TMEM156: variants seen among roughly 807,000 people sequenced by gnomAD.
The protein encoded by TMEM156 is transmembrane protein 156.
TMEM156 carries 28 observed loss-of-function variants against 30.5 expected under a neutral mutation model. The observed-to-expected ratio is 0.92, with a 90% CI of 0.68 to 1.26. The LOEUF (loss-of-function observed/expected upper bound fraction) is 1.26. TMEM156 is among the 50% of genes most tolerant of loss of function. The pLI is 0.00. For synonymous variants in TMEM156, 137 were observed against 119.9 expected, an observed-to-expected ratio of 1.14 and a Z score of -0.93; for missense variants, 351 against 340.6, an observed-to-expected ratio of 1.03 and a Z score of -0.24.
chr4:38,993,445 C>T (rs571881232), intron 3 of TMEM156, among the ~76,000 whole-genome samples: 82 of 140,404 alleles, frequency 5.8e-4, no homozygotes, highest in African/African-American at 2.0e-3. Context: ...CAACCACCAC[C>T]ACCCCACTGC....
At chr4:39,013,652 G>A (rs2711964) in intron 1 of TMEM156, among the ~76,000 whole-genome samples, 18,668 of 151,812 alleles carry the variant, frequency 0.12, 2,279 homozygotes, top group African/African-American at 0.32. Flanking sequence ...CACCCGCCTC[G>A]GCCTCCCAAA....
At chr4:39,015,290 A>T (rs559507134) in intron 1 of TMEM156, among the ~76,000 whole-genome samples, 4 of 152,328 alleles carry the variant, frequency 2.6e-5, no homozygotes, top group Admixed American at 1.3e-4. Flanking sequence ...AAGGCAGAAG[A>T]TGGAATTCAG....
chr4:38,986,518 G>C, intron 4 of TMEM156, 99 bp from the exon 5 acceptor site: 1 of 858,790 alleles, frequency 1.2e-6, no homozygotes. Context: ...AAAGAATGGA[G>C]CCATTCATGG....
At chr4:38,970,943 G>T in intron 6 of TMEM156, 89 bp downstream of exon 6, 1 of 788,456 alleles carries the variant, frequency 1.3e-6, no homozygotes, top group East Asian at 2.6e-5. Context: ...CCTCCTACCA[G>T]ATAGAAATGG....
intron 5 of TMEM156, among the ~76,000 whole-genome samples, chr4:38,978,576 C>T (rs1723002713): frequency 6.6e-6 from 1 of 152,128 alleles, no homozygotes; most frequent in East Asian, 1.9e-4. Flanking sequence ...CAGAGGGCCA[C>T]CCATGATTTG....
At chr4:39,016,384 AAG>A (rs1491510480) in intron 1 of TMEM156, among the ~76,000 whole-genome samples, 15 of 124,722 alleles carry the variant, frequency 1.2e-4, no homozygotes, top group East Asian at 2.0e-4. Context: ...AAAAAAAAAA[AAG>A]AAGAAGAAAG....
intron 1 of TMEM156, among the ~76,000 whole-genome samples, chr4:39,006,899 T>C (rs753209977): frequency 1.3e-5 from 2 of 152,148 alleles, no homozygotes; most frequent in Non-Finnish European, 2.9e-5. Context: ...GCCATGATCA[T>C]ACCACTGCAG....
At chr4:39,005,597 AC>A (rs113373504) in intron 1 of TMEM156, among the ~76,000 whole-genome samples, 2,450 of 152,278 alleles carry the variant, frequency 0.016, 61 homozygotes, top group African/African-American at 0.056. Flanking sequence ...GCAAGAAGAA[AC>A]TTTTAGGAGT....
chr4:38,981,141 C>T (rs1723161069), intron 5 of TMEM156: 1 of 161,104 alleles, frequency 6.2e-6, no homozygotes, highest in Non-Finnish European at 1.3e-5. Flanking sequence ...TTCACGTTAT[C>T]TTTCTTGGTT....
At chr4:38,976,426 C>T (rs1722856349) in intron 5 of TMEM156, among the ~76,000 whole-genome samples, 1 of 152,156 alleles carries the variant, frequency 6.6e-6, no homozygotes, top group Non-Finnish European at 1.5e-5. Flanking sequence ...TGCCAAGGCC[C>T]TCCGTACACA....
chr4:38,996,325 G>A (rs935960217), intron 2 of TMEM156, among the ~76,000 whole-genome samples: 2 of 150,902 alleles, frequency 1.3e-5, no homozygotes, highest in South Asian at 2.1e-4. Context: ...TCCGGAGGCC[G>A]AGGCGGGTGG....
chr4:38,971,007 T>C, intron 6 of TMEM156, 25 bp downstream of exon 6: 3 of 1,430,694 alleles, frequency 2.1e-6, no homozygotes, highest in Non-Finnish European at 2.9e-6. Context: ...AATGAAGAAG[T>C]CGATAAAGCC....
At chr4:38,971,828 T>C (rs982892588) in intron 5 of TMEM156, among the ~76,000 whole-genome samples, 1 of 152,146 alleles carries the variant, frequency 6.6e-6, no homozygotes, top group Non-Finnish European at 1.5e-5. Flanking sequence ...TCGCTCTTGT[T>C]GCCCAGCCTA....
At position 38,977,359 on chromosome 4, in the gene TMEM156, A is replaced by G. The variant is rs922539554; in HGVS notation, c.824-6222T>C. 4.6e-5 allele frequency among the ~76,000 whole-genome samples: 7 copies of G among 152,270 alleles called. 1 individual carries two copies. In the East Asian group the frequency reaches 1.3e-3, roughly 29 times the overall value. Reference sequence around the variant, plus strand: ...GTTTATAGCATAAAATATAACTGTAATTTACAACAGAAAGCGATTGCCTGT... The same window carrying G: ...GTTTATAGCATAAAATATAACTGTAGTTTACAACAGAAAGCGATTGCCTGT... On this transcript the variant is annotated intron_variant, in intron 5 of 6. Transcript: ENST00000381938.
At position 39,028,559 on chromosome 4, in the gene TMEM156, G is replaced by C. The variant is rs1323729331; in HGVS notation, c.88+3667C>G. The C allele has an allele frequency of 2.0e-5, 3 of 152,122 alleles. No individual in the cohort carries two copies. In the East Asian group the frequency reaches 5.8e-4, roughly 29 times the overall value. The allele number at this position is 152,122 out of a possible 1,614,324, so 9.4% of individuals were successfully genotyped here. A position where few individuals can be genotyped will look rare whatever the true frequency, so the allele number is the denominator to read the frequency against. On this transcript the variant is annotated intron_variant, in intron 1 of 6. Coordinates refer to ENST00000381938, the MANE Select transcript of TMEM156 (RefSeq NM_024943.3). ...TTGTCCTCCCGACTGAAAACTCCTT[G>C]ATCAAAGAGTTGTCTTTCCTTTTTG...
intron 2 of TMEM156, 161 bp downstream of exon 2, chr4:38,998,479 G>A: frequency 4.2e-6 from 2 of 476,248 alleles, no homozygotes; most frequent in Non-Finnish European, 6.1e-6. Flanking sequence ...GGGAGGTGGA[G>A]GTTGCAGTGA....
chr4:38,987,403 TATTG>T (rs1385715556), intron 4 of TMEM156, among the ~76,000 whole-genome samples: 1 of 152,218 alleles, frequency 6.6e-6, no homozygotes, highest in African/African-American at 2.4e-5. Flanking sequence ...AAATAAACAG[TATTG>T]ATTATGTTAT....
chr4:38,994,509 A>C (rs12640852), intron 2 of TMEM156, among the ~76,000 whole-genome samples: 68,711 of 151,960 alleles, frequency 0.45, 15,876 homozygotes, highest in East Asian at 0.66. Flanking sequence ...TGGAGCATCT[A>C]AAAGAAAATA....
intron 5 of TMEM156, among the ~76,000 whole-genome samples, chr4:38,978,697 G>A (rs1459878782): frequency 6.6e-6 from 1 of 152,154 alleles, no homozygotes; most frequent in Non-Finnish European, 1.5e-5. Context: ...TCCAAAGCTT[G>A]TTAAATGTTA....
Sources: gnomAD v4.1 joint callset for allele counts (sites outside exome capture counted in the v4.1 genomes callset) on GRCh38, gnomAD v4.1.1 for gene constraint, MANE v1.5 for transcripts, NCBI Gene and HGNC (gene_info 2026-07-23, HGNC 2026-07-21) for gene names.